Variants in PLPP4 observed in about 807,000 individuals in gnomAD.
PLPP4 encodes the protein phospholipid phosphatase 4.
Under a neutral mutation model 32.2 loss-of-function variants are expected in PLPP4, and 20 were observed. The observed-to-expected ratio is 0.62, with a 90% CI of 0.44 to 0.90. The LOEUF is 0.90. PLPP4 is among the 40% of genes least tolerant of loss of function. PLPP4 has a pLI of 0.00. For missense variants in PLPP4, 257 were observed against 353.1 expected (o/e 0.73, Z 2.18); for synonymous variants, 127 against 133.0 (o/e 0.95, Z 0.31).
intron 1 of PLPP4, among the ~76,000 whole-genome samples, chr10:120,498,654 C>CTTTTTTTTTTTT (rs11287636): frequency 7.0e-6 from 1 of 143,412 alleles, no homozygotes; most frequent in Non-Finnish European, 1.5e-5. Context: ...CTCTTCTATT[C>CTTTTTTTTTTTT]TTTTTTTTTT....
At chr10:120,472,343 A>AT (rs952841004) in intron 1 of PLPP4, among the ~76,000 whole-genome samples, 1 of 151,862 alleles carries the variant, frequency 6.6e-6, no homozygotes, top group Non-Finnish European at 1.5e-5. Context: ...TTTTTGAAAG[A>AT]TTTTTTTGGT....
intron 1 of PLPP4, among the ~76,000 whole-genome samples, chr10:120,473,892 G>A (rs1362947647): frequency 6.6e-6 from 1 of 152,146 alleles, no homozygotes; most frequent in Non-Finnish European, 1.5e-5. Context: ...CCATGAGCTA[G>A]TTAAACCTCT....
intron 5 of PLPP4, among the ~76,000 whole-genome samples, chr10:120,564,849 T>TA (rs943489262): frequency 6.6e-6 from 1 of 152,232 alleles, no homozygotes; most frequent in Non-Finnish European, 1.5e-5. Flanking sequence ...TGTATGTATT[T>TA]AAAAAATTTT....
At chr10:120,573,500 A>G (rs1564849370) in intron 5 of PLPP4, among the ~76,000 whole-genome samples, 1 of 152,132 alleles carries the variant, frequency 6.6e-6, no homozygotes, top group Non-Finnish European at 1.5e-5. Context: ...TACTTGTTTC[A>G]CTTAGCATGC....
At chr10:120,550,253 A>G (rs1404878442) in intron 5 of PLPP4, among the ~76,000 whole-genome samples, 4 of 152,002 alleles carry the variant, frequency 2.6e-5, no homozygotes, top group Admixed American at 6.6e-5. Context: ...TGTGAAACCT[A>G]TATTTTTCAA....
chr10:120,537,106 A>G (rs902277933), intron 5 of PLPP4, among the ~76,000 whole-genome samples: 3 of 152,182 alleles, frequency 2.0e-5, no homozygotes, highest in Admixed American at 2.0e-4. Flanking sequence ...GTAAATTGGT[A>G]TAGCCCTTAT....
chr10:120,460,958 C>T (rs183850971), intron 1 of PLPP4, among the ~76,000 whole-genome samples: 1 of 152,188 alleles, frequency 6.6e-6, no homozygotes, highest in African/African-American at 2.4e-5. Flanking sequence ...GAGTGGTCAG[C>T]CTCTGAGACA....
At chr10:120,500,231 GACAA>G (rs1845177699) in intron 1 of PLPP4, among the ~76,000 whole-genome samples, 1 of 152,186 alleles carries the variant, frequency 6.6e-6, no homozygotes. Flanking sequence ...AAACCTGAAA[GACAA>G]ACAAGACGAG....
intron 4 of PLPP4, among the ~76,000 whole-genome samples, chr10:120,519,873 T>C (rs1014760458): frequency 1.3e-5 from 2 of 152,190 alleles, no homozygotes; most frequent in African/African-American, 4.8e-5. Flanking sequence ...TGATAGGCCA[T>C]CACCCACCTG....
intron 5 of PLPP4, among the ~76,000 whole-genome samples, chr10:120,551,973 TTCTC>T (rs1273228959): frequency 1.3e-5 from 2 of 152,190 alleles, no homozygotes; most frequent in Non-Finnish European, 2.9e-5. Flanking sequence ...TTGTAATTAT[TTCTC>T]TGTAAATTCC....
At chr10:120,560,329 C>CA (rs35132547) in intron 5 of PLPP4, among the ~76,000 whole-genome samples, 51,434 of 130,230 alleles carry the variant, frequency 0.39, 9,376 homozygotes, top group East Asian at 0.49. Context: ...AGGACCATTG[C>CA]AAAAAAAAAA....
At chr10:120,524,614 G>A (rs1170154501) in intron 5 of PLPP4, among the ~76,000 whole-genome samples, 1 of 152,308 alleles carries the variant, frequency 6.6e-6, no homozygotes, top group East Asian at 1.9e-4. Context: ...TCTACCATAA[G>A]CAGCCAAACA....
chr10:120,517,725 C>T lies in PLPP4; in HGVS notation c.257-1108C>T, dbSNP rs561629569. 7.2e-5 allele frequency among the ~76,000 whole-genome samples: 11 copies of T among 152,262 alleles called. No individual in the cohort carries two copies. In the East Asian group the frequency reaches 1.9e-3, roughly 27 times the overall value. Reference sequence around the variant, plus strand: ...TCTGCTTCGGATAACTTGTTAAAAGCAGGTGGGTTGTGTTCCCATCTCTGT... The same window carrying T: ...TCTGCTTCGGATAACTTGTTAAAAGTAGGTGGGTTGTGTTCCCATCTCTGT... On this transcript the variant is annotated intron_variant, in intron 3 of 6. Coordinates refer to ENST00000398250, the MANE Select transcript of PLPP4 (RefSeq NM_001030059.3).
intron 2 of PLPP4, among the ~76,000 whole-genome samples, chr10:120,509,330 A>T (rs1339339775): frequency 6.6e-6 from 1 of 152,184 alleles, no homozygotes. Context: ...AAGTGTCAGG[A>T]GCTAGGGCTG....
intron 5 of PLPP4, among the ~76,000 whole-genome samples, chr10:120,567,698 G>A (rs979523278): frequency 2.0e-5 from 3 of 152,146 alleles, no homozygotes; most frequent in African/African-American, 7.2e-5. Flanking sequence ...TTGATAAAGA[G>A]TTCATTGATC....
intron 1 of PLPP4, among the ~76,000 whole-genome samples, chr10:120,461,550 C>G (rs559855783): frequency 2.6e-5 from 4 of 152,318 alleles, no homozygotes; most frequent in Non-Finnish European, 5.9e-5. Context: ...GCTTAGGATG[C>G]CAGGGTGCAC....
Position 120,513,896 on chromosome 10 carries a change from T to G in PLPP4, c.166-15T>G. ...ACTGATGTCCTCATAAGGGATTGTT[T>G]GTTATTTCTTCCAGGCAATTTCTTT... On this transcript the variant is annotated splice_polypyrimidine_tract_variant and intron_variant, in intron 2 of 6. Coordinates refer to ENST00000398250, the MANE Select transcript of PLPP4 (RefSeq NM_001030059.3). 6.2e-7 allele frequency: 1 copy of G among 1,603,560 alleles called. No individual in the cohort carries two copies. Among genetic ancestry groups the G allele is most frequent in the Non-Finnish European group, 8.5e-7 (1 of 1,170,440 alleles).
At chr10:120,573,831 T>C (rs909267542) in intron 5 of PLPP4, among the ~76,000 whole-genome samples, 10 of 152,310 alleles carry the variant, frequency 6.6e-5, no homozygotes, top group South Asian at 2.1e-4. Flanking sequence ...AGGTGTGGGT[T>C]GGACCTGAGG....
At chr10:120,531,397 C>A (rs1452601901) in intron 5 of PLPP4, among the ~76,000 whole-genome samples, 1 of 152,038 alleles carries the variant, frequency 6.6e-6, no homozygotes, top group East Asian at 1.9e-4. Context: ...AGCCACCGTG[C>A]CTGGCAGCCT....
Sources: gnomAD v4.1 joint callset for allele counts (sites outside exome capture counted in the v4.1 genomes callset) on GRCh38, gnomAD v4.1.1 for gene constraint, MANE v1.5 for transcripts, NCBI Gene and HGNC (gene_info 2026-07-23, HGNC 2026-07-21) for gene names.